Variants in SUPT3H observed in about 807,000 individuals in gnomAD.
SUPT3H encodes the protein transcription initiation protein SPT3 homolog.
In SUPT3H, 44 loss-of-function variants were observed where a neutral mutation model predicts 44.3. The ratio of observed to expected loss-of-function variants is 0.99; its 90% CI spans 0.78 to 1.28. The LOEUF (loss-of-function observed/expected upper bound fraction) is 1.28. SUPT3H is among the 50% of genes most tolerant of loss of function. The pLI is 0.00. For missense variants in SUPT3H, 380 were observed against 387.1 expected (o/e 0.98, Z 0.15); for synonymous variants, 124 against 125.6 (o/e 0.99, Z 0.09).
intron 10 of SUPT3H, among the ~76,000 whole-genome samples, chr6:44,880,805 A>C (rs1487108983): frequency 1.3e-5 from 2 of 152,208 alleles, no homozygotes; most frequent in African/African-American, 2.4e-5. Context: ...TTTTCAACCC[A>C]GAATTTCATA....
At chr6:44,982,763 G>A (rs777766034) in intron 6 of SUPT3H, among the ~76,000 whole-genome samples, 1 of 152,154 alleles carries the variant, frequency 6.6e-6, no homozygotes, top group Non-Finnish European at 1.5e-5. Flanking sequence ...GACAGACTAT[G>A]GCATTCGTAA....
Position 45,011,617 on chromosome 6 carries a change from CAT to C in SUPT3H, c.364+3182_364+3183del, listed in dbSNP as rs1351921140. 3.9e-5 allele frequency among the ~76,000 whole-genome samples: 6 copies of C among 152,038 alleles called. No homozygotes were observed. In the East Asian group the frequency reaches 5.8e-4, roughly 15 times the overall value. On this transcript the variant is annotated intron_variant, in intron 5 of 10. Transcript: ENST00000371459. ...GACCCAACATAACAATTTTTATATA[CAT>C]AGTGTTTTATATAGCTGCTTTATAA...
chr6:44,944,049 T>C (rs993280685), intron 9 of SUPT3H, among the ~76,000 whole-genome samples: 2 of 152,122 alleles, frequency 1.3e-5, no homozygotes, highest in African/African-American at 4.8e-5. Flanking sequence ...CTTAGTTTCA[T>C]TAAAACGCAC....
chr6:45,239,673 T>A (rs1420542096), intron 2 of SUPT3H, among the ~76,000 whole-genome samples: 4 of 152,224 alleles, frequency 2.6e-5, no homozygotes, highest in Non-Finnish European at 2.9e-5. Context: ...CCTTTTGCAG[T>A]GTTTTACAGT....
chr6:45,353,017 T>C (rs1328380601), intron 2 of SUPT3H, among the ~76,000 whole-genome samples: 2 of 152,064 alleles, frequency 1.3e-5, no homozygotes, highest in Non-Finnish European at 2.9e-5. Flanking sequence ...GAAAAACAAA[T>C]ATTAAAGAAA....
At chr6:44,887,359 C>A (rs1320413701) in intron 10 of SUPT3H, among the ~76,000 whole-genome samples, 1 of 151,980 alleles carries the variant, frequency 6.6e-6, no homozygotes, top group Non-Finnish European at 1.5e-5. Flanking sequence ...ATTGACCACA[C>A]GGTTGGAAAT....
chr6:44,857,101 T>A (rs1269307718), intron 10 of SUPT3H, among the ~76,000 whole-genome samples: 2 of 151,626 alleles, frequency 1.3e-5, no homozygotes, highest in Non-Finnish European at 3.0e-5. Flanking sequence ...TTATTAAAAA[T>A]TCAGATTTTC....
At chr6:45,283,320 T>G (rs557095925) in intron 2 of SUPT3H, among the ~76,000 whole-genome samples, 23 of 152,248 alleles carry the variant, frequency 1.5e-4, no homozygotes, top group Non-Finnish European at 3.2e-4. Flanking sequence ...GACCCATCAG[T>G]GTGCTGTATT....
At chr6:45,173,788 C>T (rs751666835) in intron 2 of SUPT3H, among the ~76,000 whole-genome samples, 2 of 152,234 alleles carry the variant, frequency 1.3e-5, no homozygotes, top group Non-Finnish European at 2.9e-5. Flanking sequence ...TTCTTTAAGT[C>T]ATGCCAATAG....
chr6:44,866,053 A>T (rs969235966), intron 10 of SUPT3H, among the ~76,000 whole-genome samples: 2 of 151,902 alleles, frequency 1.3e-5, no homozygotes, highest in East Asian at 3.9e-4. Context: ...ACAGGAATTA[A>T]ATTACAGAAA....
At chr6:45,209,611 AAAGTGGTTTCCT>A (rs1261737617) in intron 2 of SUPT3H, among the ~76,000 whole-genome samples, 15 of 152,348 alleles carry the variant, frequency 9.8e-5, no homozygotes, top group Admixed American at 2.6e-4. Flanking sequence ...ATGAGCAAAG[AAAGTGGTTTCCT>A]AAGATGAAAT....
intron 3 of SUPT3H, among the ~76,000 whole-genome samples, chr6:45,052,370 G>A (rs1309086256): frequency 1.3e-5 from 2 of 152,178 alleles, no homozygotes; most frequent in Non-Finnish European, 2.9e-5. Context: ...TTTATCAGGT[G>A]ACAAGAGCTA....
intron 2 of SUPT3H, 130 bp from the exon 3 acceptor site, chr6:45,106,136 T>A: frequency 1.3e-6 from 1 of 747,522 alleles, no homozygotes; most frequent in South Asian, 1.7e-5. Context: ...TCTGAATGGG[T>A]GTGCAATTTT....
intron 2 of SUPT3H, among the ~76,000 whole-genome samples, chr6:45,324,473 A>G (rs1025661193): frequency 9.2e-5 from 14 of 151,984 alleles, no homozygotes; most frequent in African/African-American, 2.9e-4. Flanking sequence ...GATTAATGTC[A>G]ATATCCCCTA....
chr6:45,042,288 T>C (rs755630852), intron 3 of SUPT3H, among the ~76,000 whole-genome samples: 4 of 152,122 alleles, frequency 2.6e-5, no homozygotes, highest in Non-Finnish European at 5.9e-5. Flanking sequence ...CTGGGCATTT[T>C]GGCAGGCACC....
At chr6:45,105,726 T>C (rs1799182012) in intron 3 of SUPT3H, among the ~76,000 whole-genome samples, 196 bp downstream of exon 3, 1 of 152,220 alleles carries the variant, frequency 6.6e-6, no homozygotes, top group South Asian at 2.1e-4. Flanking sequence ...TATAAGTTAA[T>C]ATTATAATAT....
At chr6:45,122,235 A>G (rs1421471598) in intron 2 of SUPT3H, among the ~76,000 whole-genome samples, 2 of 152,148 alleles carry the variant, frequency 1.3e-5, no homozygotes, top group Non-Finnish European at 2.9e-5. Flanking sequence ...GGGTTTGGCA[A>G]GGGAGTGGAA....
At chr6:44,937,231 C>T (rs923018587) in intron 9 of SUPT3H, among the ~76,000 whole-genome samples, 1 of 151,952 alleles carries the variant, frequency 6.6e-6, no homozygotes, top group African/African-American at 2.4e-5. Context: ...GTGGCTCATG[C>T]CTGTAATCCC....
intron 2 of SUPT3H, among the ~76,000 whole-genome samples, chr6:45,232,794 C>T (rs1042606983): frequency 6.6e-6 from 1 of 152,136 alleles, no homozygotes; most frequent in Non-Finnish European, 1.5e-5. Flanking sequence ...GGGGGAGGCA[C>T]CCAGCCCTTC....
Sources: gnomAD v4.1 joint callset for allele counts (sites outside exome capture counted in the v4.1 genomes callset) on GRCh38, gnomAD v4.1.1 for gene constraint, MANE v1.5 for transcripts, NCBI Gene and HGNC (gene_info 2026-07-23, HGNC 2026-07-21) for gene names.